The following AKT3 variants were observed in gnomAD, a reference collection of about 807,000 sequenced individuals.
The protein encoded by AKT3 is AKT serine/threonine kinase 3.
A neutral mutation model predicts 65.3 loss-of-function variants in AKT3; 15 were observed. That is an observed-to-expected ratio of 0.23 (90% CI 0.15 to 0.35). The LOEUF is 0.35. AKT3 is among the 10% of genes least tolerant of loss of function. AKT3 has a pLI of 1.00. For synonymous variants in AKT3, 206 were observed against 183.8 expected, an observed-to-expected ratio of 1.12 and a Z score of -0.98; for missense variants, 243 against 576.5, an observed-to-expected ratio of 0.42 and a Z score of 5.92.
In AKT3 at chr1:243,505,151, G is replaced by T; in HGVS notation, c.*98C>A. ...CTTGGCTGGTCTGGGATGTCGGAAG[G>T]TGCCCCTGCTATGTGTAAGAGCTAG... On this transcript the variant is annotated 3_prime_UTR_variant, in exon 14 of 14. Coordinates refer to ENST00000673466, the MANE Select transcript of AKT3 (RefSeq NM_005465.7). 8.9e-7 allele frequency: 1 copy of T among 1,124,536 alleles called. No individual in the cohort carries two copies. The highest frequency in any genetic ancestry group is 1.3e-6 in the Non-Finnish European group (1 of 758,438). The allele number at this position is 1,124,536 out of a possible 1,614,324, so 69.7% of individuals were successfully genotyped here. A position where few individuals can be genotyped will look rare whatever the true frequency, so the allele number is the denominator to read the frequency against.
intron 2 of AKT3, among the ~76,000 whole-genome samples, chr1:243,822,353 T>C (rs954142323): frequency 1.3e-5 from 2 of 150,154 alleles, no homozygotes; most frequent in Non-Finnish European, 3.0e-5. Flanking sequence ...CAACCTAACA[T>C]CACAACTAAA....
downstream of AKT3, among the ~76,000 whole-genome samples, chr1:243,498,954 A>G (rs1668778379): frequency 6.6e-6 from 1 of 152,224 alleles, no homozygotes; most frequent in Non-Finnish European, 1.5e-5. Flanking sequence ...CACAATCTAG[A>G]GGGCGAGGAC....
At chr1:243,576,286 A>G (rs988444415) in intron 8 of AKT3, among the ~76,000 whole-genome samples, 2 of 152,216 alleles carry the variant, frequency 1.3e-5, no homozygotes, top group Non-Finnish European at 2.9e-5. Context: ...ATCACACTGA[A>G]TGGGCAAAAT....
intron 8 of AKT3, among the ~76,000 whole-genome samples, chr1:243,610,362 G>C (rs1346947046): frequency 6.6e-6 from 1 of 152,124 alleles, no homozygotes. Context: ...AAGATGCTAG[G>C]GTTATACCGT....
At chr1:243,598,170 T>C (rs1340065554) in intron 8 of AKT3, among the ~76,000 whole-genome samples, 1 of 152,122 alleles carries the variant, frequency 6.6e-6, no homozygotes, top group Non-Finnish European at 1.5e-5. Context: ...TAAATATGTA[T>C]TGCAAAAAAT....
intron 2 of AKT3, among the ~76,000 whole-genome samples, chr1:243,840,100 G>C (rs896611579): frequency 6.6e-6 from 1 of 152,150 alleles, no homozygotes; most frequent in Non-Finnish European, 1.5e-5. Context: ...GAACACGGGA[G>C]GCGGAGGTTG....
intron 2 of AKT3, chr1:243,741,669 A>C (rs1200615286): frequency 6.6e-6 from 1 of 152,166 alleles, no homozygotes; most frequent in Non-Finnish European, 1.5e-5. Flanking sequence ...TCCTTGCGCT[A>C]AACATCTCAC....
At chr1:243,678,382 A>G (rs533161508) in intron 3 of AKT3, among the ~76,000 whole-genome samples, 48 of 152,338 alleles carry the variant, frequency 3.2e-4, no homozygotes, top group Non-Finnish European at 5.0e-4. Context: ...TATATGAAGT[A>G]AAGTAAAAGA....
intron 2 of AKT3, among the ~76,000 whole-genome samples, chr1:243,837,516 A>C (rs1694965300): frequency 6.6e-6 from 1 of 152,250 alleles, no homozygotes; most frequent in Non-Finnish European, 1.5e-5. Context: ...TAAATGCAAA[A>C]AACCCTTAGC....
chr1:243,813,066 A>G (rs935490745), intron 2 of AKT3, among the ~76,000 whole-genome samples: 2 of 151,186 alleles, frequency 1.3e-5, no homozygotes, highest in Admixed American at 1.3e-4. Context: ...ATTAGGAGAT[A>G]TATCTAATGT....
At chr1:243,849,534 C>T (rs1009206143) in intron 1 of AKT3, among the ~76,000 whole-genome samples, 2 of 151,832 alleles carry the variant, frequency 1.3e-5, no homozygotes, top group Non-Finnish European at 2.9e-5. Flanking sequence ...GGGCGCGCGG[C>T]AGACGGCTCC....
At chr1:243,798,085 T>C (rs1216941965) in intron 2 of AKT3, among the ~76,000 whole-genome samples, 3 of 151,496 alleles carry the variant, frequency 2.0e-5, no homozygotes, top group Non-Finnish European at 4.4e-5. Context: ...GGTTTCACCA[T>C]GTTAGCCAGG....
At chr1:243,489,700 G>A (rs1016369687) in intron 13 of AKT3, among the ~76,000 whole-genome samples, 1 of 152,124 alleles carries the variant, frequency 6.6e-6, no homozygotes, top group Non-Finnish European at 1.5e-5. Flanking sequence ...ACAAGCAGGC[G>A]ATGCTGACTT....
intron 2 of AKT3, among the ~76,000 whole-genome samples, chr1:243,729,023 A>G (rs757319104): frequency 6.6e-6 from 1 of 152,184 alleles, no homozygotes; most frequent in African/African-American, 2.4e-5. Flanking sequence ...GTGCTGAATG[A>G]TATTAAGAGA....
intron 8 of AKT3, among the ~76,000 whole-genome samples, chr1:243,604,392 T>C (rs1312583790): frequency 6.6e-6 from 1 of 152,136 alleles, no homozygotes; most frequent in Non-Finnish European, 1.5e-5. Flanking sequence ...TGAAGATCTG[T>C]CTTAATGTGA....
downstream of AKT3, among the ~76,000 whole-genome samples, chr1:243,499,047 T>C (rs1029006463): frequency 6.6e-6 from 1 of 152,238 alleles, no homozygotes; most frequent in Non-Finnish European, 1.5e-5. Context: ...CAGTGGCTTC[T>C]GACTCTAGTT....
intron 2 of AKT3, among the ~76,000 whole-genome samples, chr1:243,765,223 A>T (rs1689741654): frequency 6.6e-6 from 1 of 152,150 alleles, no homozygotes; most frequent in South Asian, 2.1e-4. Flanking sequence ...AAAAAGAAAC[A>T]AGAGGACTTG....
intron 12 of AKT3, among the ~76,000 whole-genome samples, chr1:243,530,496 C>T (rs1300340120): frequency 1.3e-5 from 2 of 152,116 alleles, no homozygotes; most frequent in Admixed American, 1.3e-4. Flanking sequence ...ATACAACATA[C>T]CAGAATCTCT....
intron 6 of AKT3, among the ~76,000 whole-genome samples, chr1:243,619,146 C>G (rs1678555414): frequency 6.6e-6 from 1 of 152,048 alleles, no homozygotes; most frequent in Non-Finnish European, 1.5e-5. Flanking sequence ...CCACCCAGAG[C>G]TATAAATGAG....
Sources: gnomAD v4.1 joint callset for allele counts (sites outside exome capture counted in the v4.1 genomes callset) on GRCh38, gnomAD v4.1.1 for gene constraint, MANE v1.5 for transcripts, NCBI Gene and HGNC (gene_info 2026-07-23, HGNC 2026-07-21) for gene names.